The following RASGRP1 variants were observed in gnomAD, a reference collection of about 807,000 sequenced individuals.
The protein encoded by RASGRP1 is RAS guanyl-releasing protein 1.
Under a neutral mutation model 95.1 loss-of-function variants are expected in RASGRP1, and 37 were observed. The observed-to-expected ratio is 0.39, with a 90% CI of 0.30 to 0.51. RASGRP1 has a LOEUF of 0.51. Among genes scored for constraint, RASGRP1 ranks in the 20% least tolerant of loss-of-function variants. RASGRP1 has a pLI of 0.80. For synonymous variants in RASGRP1, 325 were observed against 353.4 expected (o/e 0.92, Z 0.90); for missense variants, 711 against 965.4 (o/e 0.74, Z 3.49).
In RASGRP1 at chr15:38,507,940, G is replaced by A; in HGVS notation, c.1028C>T (p.Ala343Val). 2 of 1,612,152 alleles carry A rather than the reference G, an allele frequency of 1.2e-6. No individual in the cohort carries two copies. Among genetic ancestry groups the A allele is most frequent in the Non-Finnish European group, 1.7e-6 (2 of 1,179,342 alleles). Residue 343 changes from alanine to valine, a missense_variant, in exon 9 of 17, where the codon GCC (alanine) becomes GTC (valine). Transcript: ENST00000310803. ...SSRNYDNYRR[A>V]YGECTDFKIP... is the part of the protein sequence containing the mutation. ...CTTGAAGTCGGTGCACTCTCCATAGGCTCGCCGGTAATTGTCGTAGTTTCT... is the reference window on the plus strand; with the variant it reads ...CTTGAAGTCGGTGCACTCTCCATAGACTCGCCGGTAATTGTCGTAGTTTCT...
intron 3 of RASGRP1, among the ~76,000 whole-genome samples, chr15:38,520,697 AT>A (rs1482499247): frequency 1.3e-5 from 2 of 152,210 alleles, no homozygotes; most frequent in Non-Finnish European, 2.9e-5. Flanking sequence ...TCAGGGAGGT[AT>A]CTGAAGCACT....
intron 8 of RASGRP1, among the ~76,000 whole-genome samples, chr15:38,510,376 C>T (rs1301594906): frequency 3.9e-5 from 6 of 152,170 alleles, no homozygotes; most frequent in South Asian, 2.1e-4. Flanking sequence ...AAGATGATGC[C>T]CTTTTGATCA....
intron 8 of RASGRP1, among the ~76,000 whole-genome samples, chr15:38,509,345 T>C (rs1566916110): frequency 6.6e-6 from 1 of 152,192 alleles, no homozygotes; most frequent in Admixed American, 6.5e-5. Flanking sequence ...AGACGGCTAC[T>C]TAGTGACTGA....
rs1288551653 is a variant in RASGRP1 at position 38,516,193 on chromosome 15, A to G, written c.675+4T>C. 1 of 1,582,312 alleles carries G rather than the reference A, an allele frequency of 6.3e-7. No homozygotes were observed. Among genetic ancestry groups the G allele is most frequent in the South Asian group, 1.1e-5 (1 of 90,412 alleles). On this transcript the variant is annotated splice_donor_region_variant and intron_variant, in intron 6 of 16. Transcript: ENST00000310803. Reference sequence around the variant, plus strand: ...GATTTTTCTCCTGCCCCTTGCATACATACCGATATCCTCCGGAAAGACTTG... The same window carrying G: ...GATTTTTCTCCTGCCCCTTGCATACGTACCGATATCCTCCGGAAAGACTTG...
chr15:38,564,588 A>T lies in RASGRP1; in HGVS notation c.35+6T>A. The T allele has an allele frequency of 7.3e-7, 1 of 1,379,150 alleles. No homozygotes were observed. The highest frequency in any genetic ancestry group is 9.5e-7 in the Non-Finnish European group (1 of 1,054,652). 85.4% of individuals were successfully genotyped at this position (1,379,150 alleles called of 1,614,324 possible). On this transcript the variant is annotated splice_donor_region_variant and intron_variant, in intron 1 of 16. Coordinates refer to ENST00000310803, the MANE Select transcript of RASGRP1 (RefSeq NM_005739.4). ...GCTCCCGAGGGCCACGGCCGCCTCTACTCACCGCGGAGCCTCTCTCGCCTT... is the reference window on the plus strand; with the variant it reads ...GCTCCCGAGGGCCACGGCCGCCTCTTCTCACCGCGGAGCCTCTCTCGCCTT...
chr15:38,538,092 C>T (rs1191766420), intron 2 of RASGRP1, among the ~76,000 whole-genome samples: 3 of 152,076 alleles, frequency 2.0e-5, no homozygotes, highest in Admixed American at 1.3e-4. Context: ...GACAAAACCT[C>T]GTCTCTACTA....
At chr15:38,542,924 T>A (rs1892960466) in intron 2 of RASGRP1, among the ~76,000 whole-genome samples, 1 of 145,484 alleles carries the variant, frequency 6.9e-6, no homozygotes, top group Non-Finnish European at 1.5e-5. Flanking sequence ...TATGTGTGTA[T>A]ATATATGTGT....
chr15:38,495,563 T>TA (rs1252939559), intron 15 of RASGRP1, among the ~76,000 whole-genome samples: 1 of 152,176 alleles, frequency 6.6e-6, no homozygotes, highest in African/African-American at 2.4e-5. Context: ...AAGATGGCTT[T>TA]AAAAAACAAC....
At chr15:38,499,706 T>C (rs915611932) in intron 14 of RASGRP1, among the ~76,000 whole-genome samples, 1 of 152,156 alleles carries the variant, frequency 6.6e-6, no homozygotes, top group East Asian at 1.9e-4. Flanking sequence ...CCAGCTGATA[T>C]GGTTTAGCTC....
At chr15:38,526,273 T>C (rs756965245) in intron 3 of RASGRP1, 26 bp downstream of exon 3, 139 of 1,568,862 alleles carry the variant, frequency 8.9e-5, no homozygotes, top group Non-Finnish European at 8.4e-5. Context: ...CATTTTGGGA[T>C]TGCCAGTCAC....
chr15:38,492,363 G>C (rs894123674), intron 16 of RASGRP1, among the ~76,000 whole-genome samples: 6 of 152,166 alleles, frequency 3.9e-5, no homozygotes, highest in African/African-American at 1.4e-4. Flanking sequence ...TGTTTCTTCA[G>C]ATGTTTCTCT....
intron 2 of RASGRP1, among the ~76,000 whole-genome samples, chr15:38,530,051 G>A (rs2141146565): frequency 6.6e-6 from 1 of 152,068 alleles, no homozygotes; most frequent in East Asian, 1.9e-4. Flanking sequence ...ATTATTTCTT[G>A]CCACAAAAAT....
chr15:38,543,292 T>C (rs1892975427), intron 2 of RASGRP1, among the ~76,000 whole-genome samples: 1 of 152,176 alleles, frequency 6.6e-6, no homozygotes. Flanking sequence ...GTTGAGAGGA[T>C]ACTCCTTTCT....
chr15:38,498,432 T>C (rs898444104), intron 15 of RASGRP1, among the ~76,000 whole-genome samples: 2 of 152,232 alleles, frequency 1.3e-5, no homozygotes, highest in African/African-American at 4.8e-5. Flanking sequence ...CATATACATA[T>C]GCATGTACAT....
At chr15:38,531,816 C>T (rs546910458) in intron 2 of RASGRP1, among the ~76,000 whole-genome samples, 54 of 152,312 alleles carry the variant, frequency 3.5e-4, no homozygotes, top group African/African-American at 1.1e-3. Context: ...TACTTTTCAA[C>T]GAGAGAATGG....
intron 8 of RASGRP1, among the ~76,000 whole-genome samples, chr15:38,510,732 G>A (rs557587465): frequency 1.3e-5 from 2 of 152,332 alleles, no homozygotes; most frequent in African/African-American, 2.4e-5. Context: ...GGCCGAGATG[G>A]GAGGATCGCT....
rs55684442 is a variant in RASGRP1, at chr15:38,516,531, C to G, written c.522-181G>C. Among the ~76,000 whole-genome samples the G allele has an allele frequency of 6.4e-3, 969 of 152,212 alleles. 5 individuals are homozygous for G. Among genetic ancestry groups the G allele is most frequent in the Non-Finnish European group, 9.0e-3 (613 of 68,010 alleles). On this transcript the variant is annotated intron_variant, in intron 5 of 16. Coordinates refer to ENST00000310803, the MANE Select transcript of RASGRP1 (RefSeq NM_005739.4). ...AATCAGTTTTTTTCCATGGCAGCCTCCAGGAGGTCTTGCTGGTTTTCAGTG... is the reference window on the plus strand; with the variant it reads ...AATCAGTTTTTTTCCATGGCAGCCTGCAGGAGGTCTTGCTGGTTTTCAGTG...
chr15:38,494,432 T>C lies in RASGRP1; in HGVS notation c.2209A>G (p.Lys737Glu), dbSNP rs946990679. 4 of 1,613,702 alleles carry C rather than the reference T, an allele frequency of 2.5e-6. No individual in the cohort carries two copies. Among genetic ancestry groups the C allele is most frequent in the African/African-American group, 1.3e-5 (1 of 74,920 alleles). Residue 737 changes from lysine to glutamate, a missense_variant, in exon 16 of 17, where the codon AAG becomes GAG. Lys to Glu is a moderately conservative substitution (Grantham distance 56, BLOSUM62 1). Around this residue, in one of 3 missense-constraint regions of RASGRP1, gnomAD observed 212 missense variants for 247.8 expected, o/e 0.86. Transcript: ENST00000310803. Reference sequence around the variant, plus strand: ...AGTCTGAGGTGACGGAGCTCCTCCTTTGATTTTATGAGGGAGTCTTTATTC... The same window carrying C: ...AGTCTGAGGTGACGGAGCTCCTCCTCTGATTTTATGAGGGAGTCTTTATTC... ...WENKDSLIKS[K>E]EELRHLRLPT...
chr15:38,503,001 T>C lies in RASGRP1; in HGVS notation c.1428+271A>G, dbSNP rs1356176383. 3 of 495,360 alleles carry C rather than the reference T, an allele frequency of 6.1e-6. No individual in the cohort carries two copies. In the Admixed American group the frequency reaches 1.1e-4, roughly 17 times the overall value. 30.7% of individuals were successfully genotyped at this position (495,360 alleles called of 1,614,324 possible). On this transcript the variant is annotated intron_variant, in intron 11 of 16. Coordinates refer to ENST00000310803, the MANE Select transcript of RASGRP1 (RefSeq NM_005739.4). ...CTTACTATACTCAAATGCATCCCAATACTTCTGTACTCCTAAATCAACTGA... is the reference window on the plus strand; with the variant it reads ...CTTACTATACTCAAATGCATCCCAACACTTCTGTACTCCTAAATCAACTGA...
Sources: allele counts gnomAD v4.1 joint callset (sites outside exome capture counted in the v4.1 genomes callset), GRCh38; gene constraint gnomAD v4.1.1; regional missense constraint gnomAD v4.1.1; transcripts MANE v1.5; gene names NCBI Gene and HGNC (gene_info 2026-07-23, HGNC 2026-07-21).